SRL: variants seen among roughly 807,000 people sequenced by gnomAD.
SRL encodes sarcalumenin.
SRL carries 23 observed loss-of-function variants against 39.5 expected under a neutral mutation model. The ratio of observed to expected loss-of-function variants is 0.58; its 90% CI spans 0.42 to 0.82. The LOEUF is 0.82. Among genes scored for constraint, SRL ranks in the 40% least tolerant of loss-of-function variants. SRL has a pLI of 0.00. For synonymous variants in SRL, 272 were observed against 237.4 expected (o/e 1.15, Z -1.34); for missense variants, 592 against 607.8 (o/e 0.97, Z 0.27).
At chr16:4,207,415 C>CT (rs955719736) in intron 1 of SRL, 2 of 456,562 alleles carry the variant, frequency 4.4e-6, no homozygotes, top group Non-Finnish European at 8.8e-6. Context: ...GGCTCCGACT[C>CT]TCCCCCAACA....
chr16:4,238,739 C>T lies in SRL; in HGVS notation c.61+3268G>A, dbSNP rs72764697. 8.8e-3 allele frequency among the ~76,000 whole-genome samples: 1,331 copies of T among 151,868 alleles called. 13 individuals carry two copies. The highest frequency in any genetic ancestry group is 0.012 in the Non-Finnish European group (827 of 67,920). ...CCAGGTTCATGTGATCCTCCCCCCTCGGCCTCTCAAGTAGCTGGGACCACA... is the reference window on the plus strand; with the variant it reads ...CCAGGTTCATGTGATCCTCCCCCCTTGGCCTCTCAAGTAGCTGGGACCACA... On this transcript the variant is annotated intron_variant, in intron 1 of 5. Coordinates refer to ENST00000399609, the MANE Select transcript of SRL (RefSeq NM_001098814.2).
At chr16:4,232,941 G>A (rs940481539) in intron 1 of SRL, among the ~76,000 whole-genome samples, 3 of 152,142 alleles carry the variant, frequency 2.0e-5, no homozygotes, top group South Asian at 2.1e-4. Context: ...CCCAAACCCC[G>A]GGACTCTCCC....
chr16:4,238,722 A>C (rs1256675356), intron 1 of SRL, among the ~76,000 whole-genome samples: 7 of 150,566 alleles, frequency 4.6e-5, no homozygotes, highest in South Asian at 2.1e-4. Flanking sequence ...ACCCAGGTTC[A>C]TGTGATCCTC....
At chr16:4,212,458 T>G (rs922328721) in intron 1 of SRL, among the ~76,000 whole-genome samples, 8 of 152,098 alleles carry the variant, frequency 5.3e-5, no homozygotes, top group Non-Finnish European at 7.4e-5. Context: ...TCCTGGGAAA[T>G]CAAGGCTGGT....
At chr16:4,203,535 A>C (rs2052267517) in intron 2 of SRL, among the ~76,000 whole-genome samples, 1 of 152,068 alleles carries the variant, frequency 6.6e-6, no homozygotes. Flanking sequence ...TTATTTATTT[A>C]TTTAGAGAAA....
chr16:4,195,997 G>A (rs539659013), intron 4 of SRL, among the ~76,000 whole-genome samples: 20 of 152,058 alleles, frequency 1.3e-4, no homozygotes, highest in Admixed American at 6.6e-4. Context: ...GTCTTGCTCT[G>A]TCACCCAGGC....
intron 1 of SRL, among the ~76,000 whole-genome samples, chr16:4,206,156 C>G (rs538214969): frequency 8.3e-4 from 127 of 152,306 alleles, no homozygotes; most frequent in African/African-American, 2.9e-3. Flanking sequence ...GGCCCTTCCC[C>G]CTCTGCTCCT....
chr16:4,226,577 G>A (rs1567187973), intron 1 of SRL, among the ~76,000 whole-genome samples: 1 of 151,200 alleles, frequency 6.6e-6, no homozygotes, highest in Non-Finnish European at 1.5e-5. Flanking sequence ...ATGGGCAGAT[G>A]AATGGGTGAA....
intron 4 of SRL, among the ~76,000 whole-genome samples, chr16:4,196,426 C>G (rs994053092): frequency 8.6e-5 from 13 of 151,844 alleles, no homozygotes; most frequent in Admixed American, 2.0e-4. Flanking sequence ...TTCCCCCAGT[C>G]CCTGGTTACA....
At chr16:4,207,725 C>T in intron 1 of SRL, 1 of 412,086 alleles carries the variant, frequency 2.4e-6, no homozygotes, top group Non-Finnish European at 4.8e-6. Flanking sequence ...CAGAACTGGG[C>T]TCCGGCCACT....
Position 4,207,241 on chromosome 16 carries a change from A to T in SRL, c.62-2607T>A, listed in dbSNP as rs74003230. On this transcript the variant is annotated intron_variant, in intron 1 of 5. Coordinates refer to ENST00000399609, the MANE Select transcript of SRL (RefSeq NM_001098814.2). ...CTTCCATCACCACTTTCCTCTTCAG[A>T]GGAGGCTTCATCTGCGTCCTCCTCA... is the stretch of plus-strand genomic sequence containing the variant. 1.3e-3 allele frequency: 606 copies of T among 456,944 alleles called. 1 individual carries two copies. The highest frequency in any genetic ancestry group is 0.011 in the African/African-American group (534 of 50,156). The allele number at this position is 456,944 out of a possible 1,614,324, so 28.3% of individuals were successfully genotyped here. A position where few individuals can be genotyped will look rare whatever the true frequency, so the allele number is the denominator to read the frequency against.
intron 1 of SRL, chr16:4,207,742 C>T (rs2052341824): frequency 2.4e-6 from 1 of 422,620 alleles, no homozygotes; most frequent in Non-Finnish European, 4.7e-6. Flanking sequence ...CACTCCTCTT[C>T]CACAGGCCCC....
In SRL at chr16:4,207,080, TTCCTGGGGCTCCCCAGCC is replaced by T. The variant is rs990410369; in HGVS notation, c.62-2464_62-2447del. On this transcript the variant is annotated intron_variant, in intron 1 of 5. Coordinates refer to ENST00000399609, the MANE Select transcript of SRL (RefSeq NM_001098814.2). ...CCCCGCCTTCCTGGGGCTCCCTGGC[TTCCTGGGGCTCCCCAGCC>T]TCCTGGGGCTCCGTGGCCTCCTCGG... The T allele has an allele frequency of 2.6e-5, 12 of 454,152 alleles. 1 individual carries two copies. Among genetic ancestry groups the T allele is most frequent in the Non-Finnish European group, 3.5e-5 (8 of 226,094 alleles). 28.1% of individuals were successfully genotyped at this position (454,152 alleles called of 1,614,324 possible).
chr16:4,233,858 C>G (rs2052685168), intron 1 of SRL, among the ~76,000 whole-genome samples: 1 of 151,996 alleles, frequency 6.6e-6, no homozygotes, highest in Non-Finnish European at 1.5e-5. Context: ...GTGCCTTCAT[C>G]CCTAACCCGA....
At chr16:4,213,404 C>CTTTTTTTTTTTTTTT (rs1176583909) in intron 1 of SRL, among the ~76,000 whole-genome samples, 22 of 69,582 alleles carry the variant, frequency 3.2e-4, no homozygotes, top group African/African-American at 5.7e-4. Flanking sequence ...TTTTCTTTTT[C>CTTTTTTTTTTTTTTT]TTTTTTTTTT....
chr16:4,197,753 A>C (rs759813472), intron 4 of SRL, 46 bp downstream of exon 4: 1 of 1,335,446 alleles, frequency 7.5e-7, no homozygotes, highest in South Asian at 1.2e-5. Context: ...TGGTGCTTTT[A>C]CATACAACAT....
chr16:4,211,724 G>A (rs866722479), intron 1 of SRL, among the ~76,000 whole-genome samples: 9 of 147,444 alleles, frequency 6.1e-5, no homozygotes, highest in Non-Finnish European at 6.0e-5. Flanking sequence ...GGTGATGACC[G>A]TGCCGATGAT....
intron 1 of SRL, among the ~76,000 whole-genome samples, chr16:4,227,220 G>C (rs1013943843): frequency 2.0e-5 from 3 of 148,992 alleles, no homozygotes; most frequent in African/African-American, 7.7e-5. Flanking sequence ...ATGGGTGGAT[G>C]AGTGGATGGG....
intron 1 of SRL, among the ~76,000 whole-genome samples, chr16:4,206,061 C>T (rs889564371): frequency 1.3e-5 from 2 of 152,190 alleles, no homozygotes; most frequent in Admixed American, 6.5e-5. Flanking sequence ...GGTCTAAGTC[C>T]ATGTACTAAG....
Sources: gnomAD v4.1 joint callset for allele counts (sites outside exome capture counted in the v4.1 genomes callset) on GRCh38, gnomAD v4.1.1 for gene constraint, MANE v1.5 for transcripts, NCBI Gene and HGNC (gene_info 2026-07-23, HGNC 2026-07-21) for gene names.